NRG1: variants seen among roughly 807,000 people sequenced by gnomAD.
NRG1 encodes neuregulin 1.
Under a neutral mutation model 63.8 loss-of-function variants are expected in NRG1, and 18 were observed. The observed-to-expected ratio is 0.28, with a 90% CI of 0.19 to 0.42. The LOEUF (loss-of-function observed/expected upper bound fraction) is 0.42. Among genes scored for constraint, NRG1 ranks in the 10% least tolerant of loss-of-function variants. The probability of loss-of-function intolerance (pLI) is 1.00; values close to 1 mark genes in which losing one functional copy is unlikely to be tolerated. For missense variants in NRG1, 762 were observed against 814.7 expected, an observed-to-expected ratio of 0.94 and a Z score of 0.79; for synonymous variants, 302 against 301.3, an observed-to-expected ratio of 1.00 and a Z score of -0.02.
intron 1 of NRG1, among the ~76,000 whole-genome samples, chr8:32,384,201 C>T (rs1473569085): frequency 6.6e-6 from 1 of 152,148 alleles, no homozygotes; most frequent in Non-Finnish European, 1.5e-5. Context: ...TGCACCACTA[C>T]ACTCCAGCCC....
At chr8:31,646,099 A>G (rs1460111722) in intron 1 of NRG1, among the ~76,000 whole-genome samples, 1 of 152,220 alleles carries the variant, frequency 6.6e-6, no homozygotes, top group African/African-American at 2.4e-5. Context: ...CTGTGAATGC[A>G]AATGGTCTTT....
intron 5 of NRG1, among the ~76,000 whole-genome samples, chr8:32,628,869 A>T (rs1426294215): frequency 6.6e-6 from 1 of 151,332 alleles, no homozygotes; most frequent in African/African-American, 2.4e-5. Flanking sequence ...AGCAGCTGGG[A>T]TTACAGGTGT....
chr8:31,898,751 T>C (rs1237531510), intron 1 of NRG1, among the ~76,000 whole-genome samples: 90 of 152,182 alleles, frequency 5.9e-4, no homozygotes, highest in Non-Finnish European at 7.3e-5. Context: ...CTCTTGCTTG[T>C]CTCATGACAG....
Position 31,682,639 on chromosome 8 carries a change from A to C in NRG1, c.37+43208A>C, listed in dbSNP as rs564139701. On this transcript the variant is annotated intron_variant, in intron 1 of 10. Coordinates refer to the NRG1 transcript ENST00000519301. The stretch of plus-strand genomic sequence containing the variant: ...TCCGTGTGCCTATAATTTTTTTTCA[A>C]ACCAAAATGTTAAAAAAAATTCGAG... Among the ~76,000 whole-genome samples the C allele has an allele frequency of 1.9e-4, 29 of 152,156 alleles. No homozygotes were observed. In the South Asian group the frequency reaches 5.6e-3, roughly 29 times the overall value.
chr8:32,727,418 T>A (rs1005411730), intron 5 of NRG1, among the ~76,000 whole-genome samples: 1 of 152,226 alleles, frequency 6.6e-6, no homozygotes, highest in African/African-American at 2.4e-5. Context: ...TGTATCTGAC[T>A]AATAATCTAT....
intron 1 of NRG1, among the ~76,000 whole-genome samples, chr8:32,028,846 ATACAT>A (rs1817849181): frequency 6.6e-6 from 1 of 152,204 alleles, no homozygotes; most frequent in Non-Finnish European, 1.5e-5. Flanking sequence ...CTTTCAATTG[ATACAT>A]TTAATAACAT....
chr8:32,434,000 A>C (rs1818483922), intron 1 of NRG1, among the ~76,000 whole-genome samples: 2 of 152,038 alleles, frequency 1.3e-5, no homozygotes, highest in Admixed American at 1.3e-4. Flanking sequence ...ATCCTGGCCA[A>C]CATGGTGAAA....
At chr8:32,354,070 G>A (rs1021020838) in intron 1 of NRG1, among the ~76,000 whole-genome samples, 6 of 152,106 alleles carry the variant, frequency 3.9e-5, no homozygotes, top group Non-Finnish European at 5.9e-5. Context: ...GATGCTAGAC[G>A]AAAAAGAGTA....
chr8:32,396,552 G>A (rs898378297), intron 1 of NRG1, among the ~76,000 whole-genome samples: 6 of 152,050 alleles, frequency 3.9e-5, no homozygotes, highest in African/African-American at 1.4e-4. Context: ...AGGCTGAAGC[G>A]ATTCTCCTGC....
At chr8:32,375,118 G>A (rs1809448991) in intron 1 of NRG1, among the ~76,000 whole-genome samples, 1 of 151,540 alleles carries the variant, frequency 6.6e-6, no homozygotes, top group African/African-American at 2.4e-5. Context: ...GAGTAGCTGG[G>A]ACTACAGGCA....
intron 1 of NRG1, among the ~76,000 whole-genome samples, chr8:32,202,268 A>C (rs1843571012): frequency 6.6e-6 from 1 of 152,214 alleles, no homozygotes; most frequent in Admixed American, 6.5e-5. Flanking sequence ...TAGCAATTCA[A>C]AATGTCCTAG....
At position 32,122,843 on chromosome 8, in the gene NRG1, C is replaced by G. The variant is rs188958422; in HGVS notation, c.38-472985C>G. ...CCTGTGTCCATGTGTTCTCATTGTTCAATTCCCACCTGTGAGTGAGAACAC... is the reference window on the plus strand; with the variant it reads ...CCTGTGTCCATGTGTTCTCATTGTTGAATTCCCACCTGTGAGTGAGAACAC... On this transcript the variant is annotated intron_variant, in intron 1 of 10. Coordinates refer to the NRG1 transcript ENST00000519301. 8.6e-5 allele frequency among the ~76,000 whole-genome samples: 13 copies of G among 150,474 alleles called. No homozygotes were observed. The East Asian group carries it at 2.2e-3, about 25-fold the overall frequency.
chr8:32,090,589 G>A (rs1038467183), intron 1 of NRG1, among the ~76,000 whole-genome samples: 2 of 152,286 alleles, frequency 1.3e-5, no homozygotes, highest in East Asian at 1.9e-4. Context: ...CCAAAGTGCT[G>A]AGATTACAGG....
intron 1 of NRG1, among the ~76,000 whole-genome samples, chr8:32,381,603 G>A (rs926635906): frequency 2.0e-5 from 3 of 152,090 alleles, no homozygotes; most frequent in Admixed American, 1.3e-4. Context: ...AATACTGGGG[G>A]ACCAAATTAC....
chr8:32,737,703 G>T (rs1378108626), intron 6 of NRG1, among the ~76,000 whole-genome samples: 20 of 137,162 alleles, frequency 1.5e-4, no homozygotes, highest in Non-Finnish European at 2.8e-4. Context: ...TTGAGATGGA[G>T]TCTCGTTCTG....
intron 1 of NRG1, among the ~76,000 whole-genome samples, chr8:32,524,461 T>C (rs1016038227): frequency 4.6e-5 from 7 of 151,936 alleles, no homozygotes; most frequent in Non-Finnish European, 1.0e-4. Flanking sequence ...GACTGTATTT[T>C]CCTCTTAGCT....
At chr8:32,753,470 C>A (rs546858050) in intron 7 of NRG1, among the ~76,000 whole-genome samples, 1 of 152,212 alleles carries the variant, frequency 6.6e-6, no homozygotes, top group Non-Finnish European at 1.5e-5. Flanking sequence ...TTAGTATAAT[C>A]TACATTAGCT....
intron 1 of NRG1, among the ~76,000 whole-genome samples, chr8:32,427,022 A>G (rs1456629353): frequency 4.6e-5 from 7 of 151,314 alleles, no homozygotes; most frequent in Non-Finnish European, 8.8e-5. Context: ...AACTGCCTGC[A>G]TTTGCTTATC....
At chr8:32,301,288 G>T (rs1386768521) in intron 1 of NRG1, among the ~76,000 whole-genome samples, 1 of 152,100 alleles carries the variant, frequency 6.6e-6, no homozygotes, top group African/African-American at 2.4e-5. Context: ...GTATCCCACA[G>T]TTCCACAATC....
Sources: gnomAD v4.1 joint callset for allele counts (sites outside exome capture counted in the v4.1 genomes callset) on GRCh38, gnomAD v4.1.1 for gene constraint, MANE v1.5 for transcripts, NCBI Gene and HGNC (gene_info 2026-07-23, HGNC 2026-07-21) for gene names.